BRWD3: variants seen among roughly 807,000 people sequenced by gnomAD.
BRWD3 encodes bromodomain and WD repeat domain containing 3.
Under a neutral mutation model 149.7 loss-of-function variants are expected in BRWD3, and 10 were observed. That is an observed-to-expected ratio of 0.07 (90% CI 0.04 to 0.11). The LOEUF (loss-of-function observed/expected upper bound fraction) is 0.11, where lower values mean the gene tolerates loss of function less well. Among genes scored for constraint, BRWD3 ranks in the 10% least tolerant of loss-of-function variants. The probability of loss-of-function intolerance (pLI) is 1.00; values close to 1 mark genes in which losing one functional copy is unlikely to be tolerated. For missense variants in BRWD3, 940 were observed against 1,373.2 expected, an observed-to-expected ratio of 0.68 and a Z score of 4.99; for synonymous variants, 504 against 456.7, an observed-to-expected ratio of 1.10 and a Z score of -1.32.
rs2072344484 is a variant in BRWD3, at chrX:80,674,173, T to C, written c.*2436A>G. 1 of 111,810 alleles carries C rather than the reference T, an allele frequency of 8.9e-6. No individual in the cohort carries two copies. The highest frequency in any genetic ancestry group is 1.9e-5 in the Non-Finnish European group (1 of 53,006). 9.2% of individuals were successfully genotyped at this position (111,810 alleles called of 1,213,427 possible). A position where few individuals can be genotyped will look rare whatever the true frequency, so the allele number is the denominator to read the frequency against. Reference sequence around the variant, plus strand: ...TAAATCTTAATAACTGAAATAAACATTACAGCAAAATGCTGTTCACTAATA... The same window carrying C: ...TAAATCTTAATAACTGAAATAAACACTACAGCAAAATGCTGTTCACTAATA... On this transcript the variant is annotated 3_prime_UTR_variant, in exon 41 of 41. Coordinates refer to ENST00000373275, the MANE Select transcript of BRWD3 (RefSeq NM_153252.5).
chrX:80,688,680 T>C (rs991839821), intron 33 of BRWD3, among the ~76,000 whole-genome samples: 2 of 110,617 alleles, frequency 1.8e-5, no homozygotes, highest in African/African-American at 3.3e-5. Context: ...TCATGAGATA[T>C]TGGTACTCCT....
chrX:80,686,465 A>T (rs988580200), intron 35 of BRWD3, among the ~76,000 whole-genome samples: 3 of 109,017 alleles, frequency 2.8e-5, no homozygotes, highest in Non-Finnish European at 5.7e-5. Flanking sequence ...TAAAGAAAAG[A>T]AAAGTCATAC....
chrX:80,775,683 T>C (rs1319457689), intron 6 of BRWD3, among the ~76,000 whole-genome samples: 2 of 112,006 alleles, frequency 1.8e-5, no homozygotes, highest in Admixed American at 1.9e-4. Context: ...AGCACTTAGG[T>C]CTAATACTTA....
At chrX:80,806,665 G>A (rs1349478659) in intron 4 of BRWD3, among the ~76,000 whole-genome samples, 1 of 112,237 alleles carries the variant, frequency 8.9e-6, no homozygotes, top group Admixed American at 9.4e-5. Flanking sequence ...AAATCTGGAA[G>A]TAGCTCAAAT....
In BRWD3 at chrX:80,709,424, T is replaced by TAA. The variant is rs776286108; in HGVS notation, c.2475+2_2475+3dup. 1.7e-5 allele frequency: 21 copies of TAA among 1,200,744 alleles called. No homozygotes were observed. In the African/African-American group the frequency reaches 3.5e-4, roughly 20 times the overall value. On this transcript the variant is annotated splice_donor_region_variant and intron_variant, in intron 21 of 40. Coordinates refer to ENST00000373275, the MANE Select transcript of BRWD3 (RefSeq NM_153252.5). Reference sequence around the variant, plus strand: ...CATCAAATAAATAATAGTATATATATAACCTCTGAAGAACTGTCTGAGTCT... The same window carrying TAA: ...CATCAAATAAATAATAGTATATATATAAAACCTCTGAAGAACTGTCTGAGTCT...
chrX:80,702,400 T>C (rs186992811), intron 24 of BRWD3, among the ~76,000 whole-genome samples: 3 of 112,353 alleles, frequency 2.7e-5, no homozygotes, highest in African/African-American at 6.4e-5. Flanking sequence ...CAGATCCTTA[T>C]ATTGTTCTAT....
chrX:80,785,538 T>C (rs1477413419), intron 6 of BRWD3, among the ~76,000 whole-genome samples: 3 of 111,810 alleles, frequency 2.7e-5, no homozygotes, highest in Non-Finnish European at 3.8e-5. Flanking sequence ...TGATTAACTA[T>C]ACGAACGACG....
chrX:80,671,636 T>G lies in BRWD3; in HGVS notation c.*4973A>C, dbSNP rs1187451701. 8.9e-6 allele frequency: 1 copy of G among 112,276 alleles called. No homozygotes were observed. Among genetic ancestry groups the G allele is most frequent in the African/African-American group, 3.2e-5 (1 of 30,898 alleles). The allele number at this position is 112,276 out of a possible 1,213,427, so 9.3% of individuals were successfully genotyped here. On this transcript the variant is annotated 3_prime_UTR_variant, in exon 41 of 41. Coordinates refer to ENST00000373275, the MANE Select transcript of BRWD3 (RefSeq NM_153252.5). ...TTTTTTTGTCTTTGAAGATAATTGCTTATAATGACTGATAACTGCCAAACA... is the reference window on the plus strand; with the variant it reads ...TTTTTTTGTCTTTGAAGATAATTGCGTATAATGACTGATAACTGCCAAACA...
At position 80,699,953 on chromosome X, in the gene BRWD3, T is replaced by C; in HGVS notation, c.2943+4A>G. On this transcript the variant is annotated splice_donor_region_variant and intron_variant, in intron 25 of 40. Coordinates refer to ENST00000373275, the MANE Select transcript of BRWD3 (RefSeq NM_153252.5). ...TGCATAGCTTATGAATTTGGCAAACTTACCCTGAGATCCATTTTGTTCCAT... is the reference window on the plus strand; with the variant it reads ...TGCATAGCTTATGAATTTGGCAAACCTACCCTGAGATCCATTTTGTTCCAT... 6 of 1,198,173 alleles carry C rather than the reference T, an allele frequency of 5.0e-6. No homozygotes were observed. Among genetic ancestry groups the C allele is most frequent in the Non-Finnish European group, 4.5e-6 (4 of 884,335 alleles).
chrX:80,680,600 GA>G (rs2072430584), intron 40 of BRWD3, among the ~76,000 whole-genome samples: 2 of 111,246 alleles, frequency 1.8e-5, no homozygotes, highest in Admixed American at 1.9e-4. Context: ...GAAGGTGGTA[GA>G]AGCGGTTATT....
Position 80,692,162 on chromosome X carries a change from T to A in BRWD3, c.3264-12A>T. 8.4e-7 allele frequency: 1 copy of A among 1,189,333 alleles called. No homozygotes were observed. Among genetic ancestry groups the A allele is most frequent in the Non-Finnish European group, 1.1e-6 (1 of 876,549 alleles). ...CATTATTGTCCCAGCTATTAAAAAATAAGAAGATGCAAATCAAATTAATCA... is the reference window on the plus strand; with the variant it reads ...CATTATTGTCCCAGCTATTAAAAAAAAAGAAGATGCAAATCAAATTAATCA... On this transcript the variant is annotated splice_polypyrimidine_tract_variant and intron_variant, in intron 28 of 40. Transcript: ENST00000373275.
chrX:80,680,662 G>A (rs768254571), intron 40 of BRWD3, among the ~76,000 whole-genome samples: 2 of 111,012 alleles, frequency 1.8e-5, no homozygotes, highest in South Asian at 7.7e-4. Flanking sequence ...TTACTGCAGT[G>A]GGCCACAAAA....
At chrX:80,725,485 T>A (rs185154833) in intron 14 of BRWD3, among the ~76,000 whole-genome samples, 2 of 112,288 alleles carry the variant, frequency 1.8e-5, no homozygotes, top group East Asian at 5.6e-4. Flanking sequence ...TTTTAGTAGG[T>A]CCCATGATAC....
At chrX:80,718,169 C>A (rs1433331587) in intron 18 of BRWD3, among the ~76,000 whole-genome samples, 1 of 111,341 alleles carries the variant, frequency 9.0e-6, no homozygotes, top group Admixed American at 9.5e-5. Flanking sequence ...ATAAAACTTT[C>A]AAAAATGTTA....
At position 80,704,935 on chromosome X, in the gene BRWD3, C is replaced by T. The variant is rs994760466; in HGVS notation, c.2553-89G>A. 10 of 928,016 alleles carry T rather than the reference C, an allele frequency of 1.1e-5. No homozygotes were observed. In the African/African-American group the frequency reaches 1.6e-4, roughly 15 times the overall value. 76.5% of individuals were successfully genotyped at this position (928,016 alleles called of 1,213,427 possible). ...GAAAGATCATTCTGTAAGCAAACAG[C>T]ATTATAAATGACATGGCTGGATTTT... On this transcript the variant is annotated intron_variant, in intron 22 of 40. Coordinates refer to ENST00000373275, the MANE Select transcript of BRWD3 (RefSeq NM_153252.5).
intron 24 of BRWD3, among the ~76,000 whole-genome samples, chrX:80,701,860 G>A (rs973306850): frequency 9.1e-6 from 1 of 110,424 alleles, no homozygotes; most frequent in African/African-American, 3.3e-5. Flanking sequence ...CTGTGATAAG[G>A]CATAAAACCA....
At chrX:80,713,876 A>G (rs958668685) in intron 20 of BRWD3, among the ~76,000 whole-genome samples, 1 of 111,985 alleles carries the variant, frequency 8.9e-6, no homozygotes, top group Non-Finnish European at 1.9e-5. Flanking sequence ...GTCATGCCTT[A>G]CAAACCATAG....
chrX:80,766,897 C>G (rs2073864938), intron 6 of BRWD3, among the ~76,000 whole-genome samples: 2 of 112,050 alleles, frequency 1.8e-5, no homozygotes, highest in Non-Finnish European at 3.8e-5. Flanking sequence ...AAAACTGGGA[C>G]ATTCGCACCC....
chrX:80,792,239 A>G (rs1438198610), intron 5 of BRWD3, among the ~76,000 whole-genome samples: 3 of 112,193 alleles, frequency 2.7e-5, no homozygotes, highest in African/African-American at 9.7e-5. Flanking sequence ...TCACAGATTA[A>G]TAAGCTTTAA....
Sources: gnomAD v4.1 joint callset for allele counts (sites outside exome capture counted in the v4.1 genomes callset) on GRCh38, gnomAD v4.1.1 for gene constraint, MANE v1.5 for transcripts, NCBI Gene and HGNC (gene_info 2026-07-23, HGNC 2026-07-21) for gene names.